NSUN3: variants seen among roughly 807,000 people sequenced by gnomAD.
NSUN3 encodes the protein tRNA (cytosine(34)-C(5))-methyltransferase, mitochondrial.
A neutral mutation model predicts 36.8 loss-of-function variants in NSUN3; 24 were observed. That is an observed-to-expected ratio of 0.65 (90% CI 0.47 to 0.92). NSUN3 has a LOEUF of 0.92. NSUN3 is among the 40% of genes least tolerant of loss of function. The probability of loss-of-function intolerance (pLI) is 0.00; values close to 1 mark genes in which losing one functional copy is unlikely to be tolerated. For missense variants in NSUN3, 381 were observed against 392.8 expected, an observed-to-expected ratio of 0.97 and a Z score of 0.25; for synonymous variants, 146 against 145.2, an observed-to-expected ratio of 1.01 and a Z score of -0.04.
chr3:94,113,584 A>G (rs2077427268), intron 5 of NSUN3, among the ~76,000 whole-genome samples: 2 of 152,186 alleles, frequency 1.3e-5, no homozygotes, highest in Non-Finnish European at 2.9e-5. Flanking sequence ...ATGAACAAAG[A>G]AAAAATAGCT....
chr3:94,113,678 T>C (rs866538744), intron 5 of NSUN3, among the ~76,000 whole-genome samples: 13 of 152,330 alleles, frequency 8.5e-5, no homozygotes, highest in Middle Eastern at 3.4e-3. Context: ...AAATAGGCTT[T>C]TTAATACAGG....
chr3:94,088,790 A>T (rs1187941263), intron 3 of NSUN3, among the ~76,000 whole-genome samples: 1 of 151,566 alleles, frequency 6.6e-6, no homozygotes, highest in Non-Finnish European at 1.5e-5. Flanking sequence ...CTCATGCCTC[A>T]ACCTCCCGAG....
At chr3:94,105,123 G>A (rs1210987877) in intron 5 of NSUN3, among the ~76,000 whole-genome samples, 8 of 152,164 alleles carry the variant, frequency 5.3e-5, no homozygotes, top group East Asian at 1.9e-4. Context: ...TGACCATTGC[G>A]TGCAGCAGAG....
intron 3 of NSUN3, among the ~76,000 whole-genome samples, chr3:94,093,555 C>A (rs1003371634): frequency 2.7e-5 from 4 of 150,888 alleles, no homozygotes; most frequent in Non-Finnish European, 5.9e-5. Context: ...CCCCTAGAGA[C>A]CTGATAGAGG....
rs1450362815 is a variant in NSUN3, at chr3:94,094,310, T to G, written c.621+16T>G. 9.2e-5 allele frequency: 148 copies of G among 1,604,208 alleles called. No individual in the cohort carries two copies. The highest frequency in any genetic ancestry group is 1.3e-4 in the Non-Finnish European group (147 of 1,175,876). On this transcript the variant is annotated intron_variant, in intron 4 of 5. Transcript: ENST00000314622. ...GTTTGACAAGGTACTTTTATTACATTGTGACAAACTGATGGACGCCCAGTA... is the reference window on the plus strand; with the variant it reads ...GTTTGACAAGGTACTTTTATTACATGGTGACAAACTGATGGACGCCCAGTA...
chr3:94,126,425 G>A lies in NSUN3; in HGVS notation c.958G>A (p.Gly320Ser). ...ECGLLVIPDK[G>S]KAWGPMYVAK... is the part of the protein sequence containing the mutation. ...TGGGCTCTTAGTGATTCCAGATAAG[G>A]GCAAAGCCTGGGGCCCAATGTATGT... Residue 320 changes from glycine to serine, a missense_variant, in exon 6 of 6, where the codon GGC becomes AGC. By Grantham distance (56) the Gly-to-Ser change is moderately conservative (BLOSUM62 0). Transcript: ENST00000314622. The A allele has an allele frequency of 6.2e-7, 1 of 1,614,092 alleles. No homozygotes were observed. Among genetic ancestry groups the A allele is most frequent in the Non-Finnish European group, 8.5e-7 (1 of 1,179,990 alleles).
At chr3:94,094,913 A>G (rs969980949) in intron 4 of NSUN3, 120 bp from the exon 5 acceptor site, 1 of 1,027,162 alleles carries the variant, frequency 9.7e-7, no homozygotes, top group Non-Finnish European at 1.4e-6. Context: ...CAGTTAAAAA[A>G]GAAATGTTTT....
intron 3 of NSUN3, among the ~76,000 whole-genome samples, chr3:94,087,573 A>G (rs2077296988): frequency 6.6e-6 from 1 of 152,264 alleles, no homozygotes; most frequent in African/African-American, 2.4e-5. Flanking sequence ...ACATTAGCAT[A>G]TTAACTAAGG....
chr3:94,100,201 T>C (rs2077359270), intron 5 of NSUN3, among the ~76,000 whole-genome samples: 1 of 152,204 alleles, frequency 6.6e-6, no homozygotes. Context: ...ACTTTCTGAT[T>C]GTACTATTTT....
At chr3:94,117,590 G>A (rs1444300135) in intron 5 of NSUN3, among the ~76,000 whole-genome samples, 2 of 152,162 alleles carry the variant, frequency 1.3e-5, no homozygotes, top group Non-Finnish European at 2.9e-5. Flanking sequence ...AAGATTTGGG[G>A]AAAGTTGTAT....
At chr3:94,120,448 A>C (rs2077456713) in intron 5 of NSUN3, among the ~76,000 whole-genome samples, 1 of 152,204 alleles carries the variant, frequency 6.6e-6, no homozygotes, top group South Asian at 2.1e-4. Context: ...AGCCCCTGGC[A>C]ACCACCATTC....
At chr3:94,118,962 T>TC (rs1250950523) in intron 5 of NSUN3, among the ~76,000 whole-genome samples, 3 of 152,146 alleles carry the variant, frequency 2.0e-5, no homozygotes, top group African/African-American at 7.2e-5. Flanking sequence ...ATCATTTTGC[T>TC]CCCCCAAACA....
intron 5 of NSUN3, among the ~76,000 whole-genome samples, chr3:94,095,953 A>T (rs1359744909): frequency 7.2e-6 from 1 of 138,872 alleles, no homozygotes; most frequent in Non-Finnish European, 1.5e-5. Flanking sequence ...TAGAGATAGG[A>T]TTTCACTGTG....
intron 2 of NSUN3, among the ~76,000 whole-genome samples, chr3:94,072,704 T>G (rs180883182): frequency 2.5e-3 from 373 of 146,800 alleles, no homozygotes; most frequent in Middle Eastern, 0.011. Flanking sequence ...AGATCAAAAA[T>G]TTCGTTTGTT....
chr3:94,085,328 TA>T (rs1302287750), intron 3 of NSUN3: 1 of 152,214 alleles, frequency 6.6e-6, no homozygotes, highest in Non-Finnish European at 1.5e-5. Flanking sequence ...ATTCTTTTTT[TA>T]AAAAACTGAT....
At chr3:94,065,543 G>C (rs2077201001) in intron 2 of NSUN3, among the ~76,000 whole-genome samples, 1 of 152,038 alleles carries the variant, frequency 6.6e-6, no homozygotes, top group Admixed American at 6.6e-5. Context: ...TTTTTTTCTT[G>C]GATCAACTCT....
At chr3:94,082,832 G>T (rs1351311244) in intron 2 of NSUN3, among the ~76,000 whole-genome samples, 1 of 152,100 alleles carries the variant, frequency 6.6e-6, no homozygotes, top group Non-Finnish European at 1.5e-5. Context: ...TCCATAAGTG[G>T]TTTTTAAATC....
chr3:94,124,498 T>C (rs2077477003), intron 5 of NSUN3, among the ~76,000 whole-genome samples: 1 of 152,206 alleles, frequency 6.6e-6, no homozygotes, highest in Non-Finnish European at 1.5e-5. Context: ...TTGTTTTGTC[T>C]GAGGTCCTTC....
chr3:94,091,523 G>A (rs753346045), intron 3 of NSUN3, among the ~76,000 whole-genome samples: 8 of 152,114 alleles, frequency 5.3e-5, no homozygotes, highest in Non-Finnish European at 1.0e-4. Flanking sequence ...ATGTTTTGTG[G>A]TGTCCAAAAA....
Sources: gnomAD v4.1 joint callset for allele counts (sites outside exome capture counted in the v4.1 genomes callset) on GRCh38, gnomAD v4.1.1 for gene constraint, MANE v1.5 for transcripts, NCBI Gene and HGNC (gene_info 2026-07-23, HGNC 2026-07-21) for gene names.